Variants in TSC22D1 observed in about 807,000 individuals in gnomAD.
TSC22D1 encodes the protein TSC22 domain family protein 1.
In TSC22D1, 9 loss-of-function variants were observed where a neutral mutation model predicts 74.2. That is an observed-to-expected ratio of 0.12 (90% CI 0.07 to 0.21). The LOEUF (loss-of-function observed/expected upper bound fraction) is 0.21. Among genes scored for constraint, TSC22D1 ranks in the 10% least tolerant of loss-of-function variants. The pLI, the probability that TSC22D1 is intolerant of heterozygous loss-of-function variation, is 1.00. For missense variants in TSC22D1, 1,427 were observed against 1,304.7 expected, an observed-to-expected ratio of 1.09 and a Z score of -1.44; for synonymous variants, 586 against 492.5, an observed-to-expected ratio of 1.19 and a Z score of -2.51.
Position 44,575,323 on chromosome 13 carries a change from C to G in TSC22D1, c.752G>C (p.Gly251Ala). The stretch of plus-strand genomic sequence containing the variant: ...AGATACTGGGCTTGAGGGTGGCCCA[C>G]CAGTAATGGATGCACTGGCCACAGC... ...HVAVASASIT[G>A]GPPSSPVSRK... The change falls in exon 1 of 3, where the codon GGT becomes GCT. Residue 251 changes from glycine (G) to alanine (A), a missense_variant. This residue lies in a region of TSC22D1 where 1,343 missense variants were observed against 1,191.5 expected (regional missense o/e 1.13). Coordinates refer to ENST00000458659, the MANE Select transcript of TSC22D1 (RefSeq NM_183422.4). 1 of 1,614,140 alleles carries G rather than the reference C, an allele frequency of 6.2e-7. No homozygotes were observed.
chr13:44,570,831 A>G (rs1190267464), intron 1 of TSC22D1, among the ~76,000 whole-genome samples: 1 of 152,240 alleles, frequency 6.6e-6, no homozygotes, highest in African/African-American at 2.4e-5. Flanking sequence ...AGGTTTTAAA[A>G]GTTTGTTTTT....
intron 1 of TSC22D1, among the ~76,000 whole-genome samples, chr13:44,566,023 T>C (rs917165241): frequency 6.6e-6 from 1 of 152,220 alleles, no homozygotes; most frequent in Non-Finnish European, 1.5e-5. Context: ...TTTGAATGTC[T>C]AATGCATTCC....
At chr13:44,478,050 T>C (rs558208896) in intron 1 of TSC22D1, among the ~76,000 whole-genome samples, 2 of 151,980 alleles carry the variant, frequency 1.3e-5, no homozygotes, top group South Asian at 4.2e-4. Flanking sequence ...AAGCAAATAG[T>C]AAAATAATAA....
intron 1 of TSC22D1, among the ~76,000 whole-genome samples, chr13:44,476,077 C>T (rs9590832): frequency 0.018 from 2,667 of 152,272 alleles, 67 homozygotes; most frequent in African/African-American, 0.06. Context: ...GCACTGGTAT[C>T]CCACATTAGG....
rs191195961 is a variant in TSC22D1, at chr13:44,518,718, C to T, written c.2912+54445G>A. On this transcript the variant is annotated intron_variant, in intron 1 of 2. Transcript: ENST00000458659. ...TTTTATCTTAAAAGGAAAGACATTGCGCTTTGATTGTATTTAATAGGCAAA... is the reference window on the plus strand; with the variant it reads ...TTTTATCTTAAAAGGAAAGACATTGTGCTTTGATTGTATTTAATAGGCAAA... Among the ~76,000 whole-genome samples the T allele has an allele frequency of 3.3e-5, 5 of 152,190 alleles. No individual in the cohort carries two copies. In the East Asian group the frequency reaches 5.8e-4, roughly 18 times the overall value.
chr13:44,549,776 G>GAAA (rs1305063154), intron 1 of TSC22D1, among the ~76,000 whole-genome samples: 4 of 67,946 alleles, frequency 5.9e-5, no homozygotes, highest in Admixed American at 1.7e-4. Context: ...CAAAAAAAAA[G>GAAA]AAAAAAAAAA....
At chr13:44,486,441 A>G (rs1878430521) in intron 1 of TSC22D1, among the ~76,000 whole-genome samples, 1 of 152,198 alleles carries the variant, frequency 6.6e-6, no homozygotes, top group Admixed American at 6.5e-5. Context: ...CCAGGAAGAT[A>G]TAAGAATTCT....
chr13:44,457,580 C>T (rs1381189055), intron 1 of TSC22D1, among the ~76,000 whole-genome samples: 1 of 115,802 alleles, frequency 8.6e-6, no homozygotes, highest in Admixed American at 9.4e-5. Flanking sequence ...AGAGCAACCC[C>T]TAAAGAAACA....
Position 44,459,797 on chromosome 13 carries a change from C to T in TSC22D1, c.2913-23702G>A, listed in dbSNP as rs569643350. Among the ~76,000 whole-genome samples the T allele has an allele frequency of 7.2e-5, 11 of 152,330 alleles. No individual in the cohort carries two copies. In the East Asian group the frequency reaches 1.2e-3, roughly 16 times the overall value. On this transcript the variant is annotated intron_variant, in intron 1 of 2. Coordinates refer to ENST00000458659, the MANE Select transcript of TSC22D1 (RefSeq NM_183422.4). ...TAGCCGCAGCCTTGCACAGAGCCGG[C>T]GCCTAGAGCTGCCTACCCCGCTGCA... is the stretch of plus-strand genomic sequence containing the variant.
chr13:44,433,863 T>C lies in TSC22D1; in HGVS notation c.*763A>G. The C allele has an allele frequency of 1.0e-6, 1 of 963,310 alleles. No homozygotes were observed. The highest frequency in any genetic ancestry group is 1.9e-5 in the South Asian group (1 of 53,580). The allele number at this position is 963,310 out of a possible 1,614,324, so 59.7% of individuals were successfully genotyped here. On this transcript the variant is annotated 3_prime_UTR_variant, in exon 3 of 3. Transcript: ENST00000458659. ...GTAGCAGTTTTTATGTAGATCTATA[T>C]ATAAAAGTCCACACCTCCTCAGACA...
intron 1 of TSC22D1, among the ~76,000 whole-genome samples, chr13:44,473,610 T>C (rs919322506): frequency 3.3e-5 from 5 of 151,360 alleles, no homozygotes; most frequent in African/African-American, 1.2e-4. Context: ...TATATATGTG[T>C]GTGTGTGTGT....
chr13:44,557,439 G>A (rs1003706124), intron 1 of TSC22D1, among the ~76,000 whole-genome samples: 3 of 152,322 alleles, frequency 2.0e-5, no homozygotes, highest in Non-Finnish European at 4.4e-5. Context: ...CCAGTCTGGC[G>A]ACAGAGCGAG....
chr13:44,569,321 T>C lies in TSC22D1; in HGVS notation c.2912+3842A>G, dbSNP rs375177277. Among the ~76,000 whole-genome samples the C allele has an allele frequency of 4.6e-5, 7 of 152,312 alleles. 1 individual carries two copies. The highest frequency in any genetic ancestry group is 2.1e-4 in the South Asian group (1 of 4,828). ...CTCCTAACGAGCAGGCTATATTACA[T>C]ATCTAGTGGTAAGACAAGCAAGTTA... On this transcript the variant is annotated intron_variant, in intron 1 of 2. Coordinates refer to ENST00000458659, the MANE Select transcript of TSC22D1 (RefSeq NM_183422.4).
Position 44,575,748 on chromosome 13 carries a change from A to G in TSC22D1, c.327T>C (p.Ser109=), listed in dbSNP as rs1884176412. Residue 109 remains serine (S), a synonymous_variant, in exon 1 of 3, where the codon AGT becomes AGC. Transcript: ENST00000458659. ...APGGTQMKKK[S]GFQITSVTPA... ...GAGTAACGCTAGTTATCTGGAAGCC[A>G]CTTTTCTTTTTCATTTGAGTTCCGC... The G allele has an allele frequency of 6.2e-7, 1 of 1,614,068 alleles. No individual in the cohort carries two copies. The highest frequency in any genetic ancestry group is 1.1e-5 in the South Asian group (1 of 91,086).
chr13:44,564,906 G>C (rs1389811677), intron 1 of TSC22D1, among the ~76,000 whole-genome samples: 3 of 152,258 alleles, frequency 2.0e-5, no homozygotes, highest in East Asian at 1.9e-4. Flanking sequence ...AAGATGTAGA[G>C]AGCAAGGAAA....
At chr13:44,462,337 T>C (rs933908934) in intron 1 of TSC22D1, among the ~76,000 whole-genome samples, 8 of 152,198 alleles carry the variant, frequency 5.3e-5, no homozygotes, top group African/African-American at 9.7e-5. Flanking sequence ...TGCTGGACCA[T>C]AGAAAATATG....
intron 2 of TSC22D1, chr13:44,435,140 T>A (rs1194108092): frequency 7.5e-6 from 3 of 401,052 alleles, no homozygotes; most frequent in African/African-American, 2.1e-5. Context: ...TAAGGCTTCC[T>A]GAGACTGGGC....
At chr13:44,535,307 T>C (rs1325267315) in intron 1 of TSC22D1, among the ~76,000 whole-genome samples, 1 of 152,154 alleles carries the variant, frequency 6.6e-6, no homozygotes, top group Non-Finnish European at 1.5e-5. Flanking sequence ...ACTAACATTT[T>C]TAATGCAGTA....
intron 1 of TSC22D1, among the ~76,000 whole-genome samples, chr13:44,446,260 A>G (rs1462660611): frequency 6.6e-6 from 1 of 152,224 alleles, no homozygotes; most frequent in Non-Finnish European, 1.5e-5. Context: ...AGCCACACTT[A>G]AAGACTGCAA....
Sources: allele counts gnomAD v4.1 joint callset (sites outside exome capture counted in the v4.1 genomes callset), GRCh38; gene constraint gnomAD v4.1.1; regional missense constraint gnomAD v4.1.1; transcripts MANE v1.5; gene names NCBI Gene and HGNC (gene_info 2026-07-23, HGNC 2026-07-21).